FOXK1: variants seen among roughly 807,000 people sequenced by gnomAD.
FOXK1 encodes the protein forkhead box protein K1.
A neutral mutation model predicts 51.9 loss-of-function variants in FOXK1; 19 were observed. The observed-to-expected ratio is 0.37, with a 90% CI of 0.26 to 0.54. The LOEUF (loss-of-function observed/expected upper bound fraction) is 0.54. Ranked by LOEUF, FOXK1 falls within the 20% of genes least tolerant of loss-of-function variation. The pLI is 0.87. For missense variants in FOXK1, 870 were observed against 1,032.7 expected, an observed-to-expected ratio of 0.84 and a Z score of 2.16; for synonymous variants, 537 against 482.6, an observed-to-expected ratio of 1.11 and a Z score of -1.48.
intron 1 of FOXK1, among the ~76,000 whole-genome samples, chr7:4,706,032 ACGTG>A (rs1780095945): frequency 9.8e-6 from 1 of 102,186 alleles, no homozygotes; most frequent in African/African-American, 7.9e-5. Context: ...ACGTGTATAT[ACGTG>A]TATATACGTG....
intron 1 of FOXK1, among the ~76,000 whole-genome samples, chr7:4,687,315 C>G (rs183398010): frequency 6.6e-6 from 1 of 151,372 alleles, no homozygotes; most frequent in South Asian, 2.1e-4. Context: ...TTTTTTGCAA[C>G]GGAGTCTCAC....
At chr7:4,686,229 A>C (rs945125654) in intron 1 of FOXK1, among the ~76,000 whole-genome samples, 2 of 152,084 alleles carry the variant, frequency 1.3e-5, no homozygotes, top group African/African-American at 4.8e-5. Flanking sequence ...ACGTGCTTGG[A>C]TTTGGTGGGA....
intron 1 of FOXK1, among the ~76,000 whole-genome samples, chr7:4,708,327 A>G (rs1780131220): frequency 6.6e-6 from 1 of 152,142 alleles, no homozygotes; most frequent in Non-Finnish European, 1.5e-5. Context: ...AGCCGCCCTT[A>G]GGAAAACTGG....
At chr7:4,712,653 T>C (rs1379512888) in intron 1 of FOXK1, among the ~76,000 whole-genome samples, 2 of 152,208 alleles carry the variant, frequency 1.3e-5, no homozygotes, top group African/African-American at 4.8e-5. Flanking sequence ...TCTTTAAGTG[T>C]ACCAGCGATC....
At chr7:4,696,851 T>C (rs933765204) in intron 1 of FOXK1, among the ~76,000 whole-genome samples, 53 of 152,236 alleles carry the variant, frequency 3.5e-4, no homozygotes, top group African/African-American at 1.3e-3. Flanking sequence ...GTGGATCACT[T>C]GAGGCCAGGA....
intron 3 of FOXK1, chr7:4,754,899 AG>A: frequency 1.7e-6 from 1 of 580,952 alleles, no homozygotes; most frequent in Non-Finnish European, 3.1e-6. Flanking sequence ...CCGGCGTCAA[AG>A]CCTTCATACA....
chr7:4,699,611 A>G (rs932935648), intron 1 of FOXK1, among the ~76,000 whole-genome samples: 29 of 152,048 alleles, frequency 1.9e-4, no homozygotes, highest in African/African-American at 6.8e-4. Flanking sequence ...CAAGTGATCC[A>G]CCCACCTCAG....
chr7:4,745,642 G>A lies in FOXK1; in HGVS notation c.746+4619G>A, dbSNP rs1780693734. Among the ~76,000 whole-genome samples, 3 of 152,242 alleles carry A rather than the reference G, an allele frequency of 2.0e-5. No homozygotes were observed. In the South Asian group the frequency reaches 6.2e-4, roughly 32 times the overall value. On this transcript the variant is annotated intron_variant, in intron 2 of 8. Coordinates refer to ENST00000328914, the MANE Select transcript of FOXK1 (RefSeq NM_001037165.2). The surrounding 1 kb of genome is among the most constrained non-coding windows in gnomAD (Gnocchi z 4.3). ...ACAGGCCAGGCGCCCGGTGGCTCAG[G>A]CCTGTAATCCCAGCACTTTGGGAGG...
At chr7:4,708,075 TG>T (rs888476857) in intron 1 of FOXK1, among the ~76,000 whole-genome samples, 3 of 151,868 alleles carry the variant, frequency 2.0e-5, no homozygotes, top group African/African-American at 7.3e-5. Flanking sequence ...GGGAGTGAAC[TG>T]GAAGGATGAG....
At chr7:4,714,110 G>A (rs1200621933) in intron 1 of FOXK1, among the ~76,000 whole-genome samples, 1 of 152,180 alleles carries the variant, frequency 6.6e-6, no homozygotes, top group Non-Finnish European at 1.5e-5. Flanking sequence ...ACAGATGTCA[G>A]CCACTGTGCC....
At chr7:4,714,340 G>A (rs532126299) in intron 1 of FOXK1, among the ~76,000 whole-genome samples, 2 of 152,178 alleles carry the variant, frequency 1.3e-5, no homozygotes, top group African/African-American at 2.4e-5. Context: ...GTGCAATGGC[G>A]CGATCTCAGC....
intron 1 of FOXK1, among the ~76,000 whole-genome samples, chr7:4,737,991 G>A (rs1236942797): frequency 5.3e-5 from 8 of 151,972 alleles, no homozygotes; most frequent in Admixed American, 1.3e-4. Flanking sequence ...GCGTGGTGGC[G>A]CATGCCTGTA....
At chr7:4,718,989 A>G (rs1426115504) in intron 1 of FOXK1, among the ~76,000 whole-genome samples, 1 of 151,912 alleles carries the variant, frequency 6.6e-6, no homozygotes, top group Admixed American at 6.6e-5. Context: ...TTGTATTTTT[A>G]GTAGAGACGG....
Position 4,761,016 on chromosome 7 carries a change from A to T in FOXK1, c.1697-48A>T. ...TGCTGCCCAGGCGTCGAGGAAATCG[A>T]TTGTCTCGTTGGCCGAGTGTGGTGC... On this transcript the variant is annotated intron_variant, in intron 7 of 8. Coordinates refer to ENST00000328914, the MANE Select transcript of FOXK1 (RefSeq NM_001037165.2). The surrounding 1 kb of genome is among the most constrained non-coding windows in gnomAD (Gnocchi z 6.2). 6.4e-7 allele frequency: 1 copy of T among 1,564,112 alleles called. No individual in the cohort carries two copies. The highest frequency in any genetic ancestry group is 8.8e-7 in the Non-Finnish European group (1 of 1,138,444).
chr7:4,765,184 C>T lies in FOXK1; in HGVS notation c.*2720C>T, dbSNP rs1205385166. The T allele has an allele frequency of 6.6e-6, 1 of 152,494 alleles. No individual in the cohort carries two copies. The highest frequency in any genetic ancestry group is 2.4e-5 in the African/African-American group (1 of 41,458). The allele number at this position is 152,494 out of a possible 1,614,324, so 9.4% of individuals were successfully genotyped here. ...TGGATCCACTGCTCTGGGCTCATAACCATGAGATTTTGAAAGAGTTTTTGG... is the reference window on the plus strand; with the variant it reads ...TGGATCCACTGCTCTGGGCTCATAATCATGAGATTTTGAAAGAGTTTTTGG... On this transcript the variant is annotated 3_prime_UTR_variant, in exon 9 of 9. Transcript: ENST00000328914.
chr7:4,684,296 C>T (rs144152617), intron 1 of FOXK1, among the ~76,000 whole-genome samples: 6 of 152,334 alleles, frequency 3.9e-5, no homozygotes, highest in Admixed American at 6.5e-5. Flanking sequence ...CTTTTATAAA[C>T]GCCTTGCGTC....
chr7:4,738,579 T>C (rs1780588838), intron 1 of FOXK1, among the ~76,000 whole-genome samples: 1 of 152,036 alleles, frequency 6.6e-6, no homozygotes, highest in South Asian at 2.1e-4. Context: ...AGGACAGAAT[T>C]GTGGAGTATT....
intron 1 of FOXK1, among the ~76,000 whole-genome samples, chr7:4,698,552 TTTG>T (rs1014194893): frequency 2.0e-5 from 3 of 152,148 alleles, no homozygotes; most frequent in Non-Finnish European, 2.9e-5. Context: ...CACGTACCTC[TTTG>T]TTGTTGTTGT....
intron 3 of FOXK1, chr7:4,754,928 C>T (rs552265107): frequency 4.2e-5 from 24 of 566,842 alleles, no homozygotes; most frequent in Middle Eastern, 4.7e-4. Flanking sequence ...AGCAGGATGG[C>T]GTTCTCCTTA....
Sources: gnomAD v4.1 joint callset for allele counts (sites outside exome capture counted in the v4.1 genomes callset) on GRCh38, gnomAD v4.1.1 for gene constraint, Gnocchi (gnomAD v3.1) non-coding constraint, MANE v1.5 for transcripts, NCBI Gene and HGNC (gene_info 2026-07-23, HGNC 2026-07-21) for gene names.